ZNF8: variants seen among roughly 807,000 people sequenced by gnomAD.
ZNF8 encodes the protein zinc finger protein 272.
Under a neutral mutation model 12.2 loss-of-function variants are expected in ZNF8, and 9 were observed. That is an observed-to-expected ratio of 0.73 (90% CI 0.44 to 1.28). ZNF8 has a LOEUF of 1.28. Ranked by LOEUF, ZNF8 falls within the 50% of genes most tolerant of loss-of-function variation. ZNF8 has a pLI of 0.00. For synonymous variants in ZNF8, 274 were observed against 282.3 expected (o/e 0.97, Z 0.30); for missense variants, 664 against 729.1 (o/e 0.91, Z 1.03).
chr19:58,283,585 G>A (rs1414118500), intron 1 of ZNF8, among the ~76,000 whole-genome samples: 2 of 148,270 alleles, frequency 1.3e-5, no homozygotes, highest in African/African-American at 5.0e-5. Context: ...CTTCAGAACT[G>A]TAAGAAATAA....
intron 1 of ZNF8, among the ~76,000 whole-genome samples, chr19:58,284,589 C>T (rs1055838731): frequency 6.6e-6 from 1 of 152,242 alleles, no homozygotes; most frequent in Non-Finnish European, 1.5e-5. Flanking sequence ...CGGCTCCCGC[C>T]TGTAATCCCA....
intron 1 of ZNF8, among the ~76,000 whole-genome samples, chr19:58,281,054 G>A (rs1339901867): frequency 6.6e-6 from 1 of 152,090 alleles, no homozygotes; most frequent in African/African-American, 2.4e-5. Context: ...ATATTCACAG[G>A]TTCTAGGAAC....
intron 1 of ZNF8, among the ~76,000 whole-genome samples, chr19:58,282,176 G>A (rs569847585): frequency 6.7e-6 from 1 of 149,594 alleles, no homozygotes; most frequent in Non-Finnish European, 1.5e-5. Context: ...TTTTAACCTA[G>A]CAGCAACACT....
chr19:58,291,330 T>C (rs2051418283), intron 3 of ZNF8, among the ~76,000 whole-genome samples: 1 of 152,186 alleles, frequency 6.6e-6, no homozygotes, highest in South Asian at 2.1e-4. Context: ...AGTGAGTTGT[T>C]CTGGGCAGCC....
At chr19:58,285,601 TA>T in intron 1 of ZNF8, 115 bp from the exon 2 acceptor site, 2 of 1,448,576 alleles carry the variant, frequency 1.4e-6, no homozygotes, top group Non-Finnish European at 1.9e-6. Context: ...CCATCATTCA[TA>T]ACGTGCAGTC....
Position 58,294,502 on chromosome 19 carries a change from AGTGACT to A in ZNF8, c.697_702del (p.Asp233_Cys234del), listed in dbSNP as rs2051440436. The A allele has an allele frequency of 6.2e-7, 1 of 1,614,108 alleles. No individual in the cohort carries two copies. The highest frequency in any genetic ancestry group is 1.3e-5 in the African/African-American group (1 of 74,938). On this transcript the variant is annotated inframe_deletion, in exon 4 of 4. Coordinates refer to ENST00000621650, the MANE Select transcript of ZNF8 (RefSeq NM_021089.3). The surrounding 1 kb of genome is among the most constrained non-coding windows in gnomAD (Gnocchi z 5.5). The stretch of plus-strand genomic sequence containing the variant: ...CCCAGGAAAACAGCCCGGTGAAAAC[AGTGACT>A]GTCACAGAGATTCCAGTCAGGCCAT...
chr19:58,295,548 T>C lies in ZNF8; in HGVS notation c.*12T>C, dbSNP rs768593847. On this transcript the variant is annotated 3_prime_UTR_variant, in exon 4 of 4. Coordinates refer to ENST00000621650, the MANE Select transcript of ZNF8 (RefSeq NM_021089.3). ...GAGAATCCACATAGGAGAGAAACTT[T>C]GCTGATGACTTTTAACCACAAGTAA... The C allele has an allele frequency of 1.3e-6, 2 of 1,573,840 alleles. No homozygotes were observed. Among genetic ancestry groups the C allele is most frequent in the East Asian group, 4.5e-5 (2 of 44,388 alleles).
intron 1 of ZNF8, among the ~76,000 whole-genome samples, chr19:58,284,754 C>G (rs1296684196): frequency 2.6e-5 from 4 of 152,132 alleles, no homozygotes; most frequent in Non-Finnish European, 5.9e-5. Context: ...GAGGCTGGGG[C>G]AGGAGAATCA....
chr19:58,285,157 GT>G (rs67853886), intron 1 of ZNF8, among the ~76,000 whole-genome samples: 12 of 145,190 alleles, frequency 8.3e-5, no homozygotes, highest in Admixed American at 3.4e-4. Context: ...CTGTTTTTTT[GT>G]TTTTTTTTTT....
At chr19:58,282,183 C>T (rs1326607294) in intron 1 of ZNF8, among the ~76,000 whole-genome samples, 2 of 152,094 alleles carry the variant, frequency 1.3e-5, no homozygotes, top group Non-Finnish European at 2.9e-5. Context: ...CTAGCAGCAA[C>T]ACTGGTGGTG....
At chr19:58,290,831 GCTTGAGTC>G (rs1403542038) in intron 3 of ZNF8, among the ~76,000 whole-genome samples, 4 of 152,120 alleles carry the variant, frequency 2.6e-5, no homozygotes, top group Non-Finnish European at 5.9e-5. Flanking sequence ...CGGGTGGTTC[GCTTGAGTC>G]CAAGAGTTCA....
At chr19:58,288,940 C>T (rs1427429379) in intron 3 of ZNF8, among the ~76,000 whole-genome samples, 1 of 152,064 alleles carries the variant, frequency 6.6e-6, no homozygotes, top group East Asian at 1.9e-4. Flanking sequence ...ACTCACAAGT[C>T]TTATGCCATA....
chr19:58,285,951 C>G, intron 2 of ZNF8, 108 bp downstream of exon 2: 1 of 1,442,612 alleles, frequency 6.9e-7, no homozygotes, highest in East Asian at 2.3e-5. Context: ...ATGGGGAGTG[C>G]ATGAAGAGGG....
intron 3 of ZNF8, among the ~76,000 whole-genome samples, chr19:58,290,587 G>A (rs983176165): frequency 1.3e-4 from 20 of 151,954 alleles, no homozygotes; most frequent in South Asian, 4.2e-4. Context: ...GAAGAAGACC[G>A]CGTCTCTACA....
At chr19:58,279,218 C>T in intron 1 of ZNF8, 71 bp downstream of exon 1, 1 of 1,537,852 alleles carries the variant, frequency 6.5e-7, no homozygotes, top group East Asian at 2.4e-5. Flanking sequence ...GACCCTTTCA[C>T]CTCGCGGCGC....
At chr19:58,287,932 T>A (rs1226286614) in intron 3 of ZNF8, among the ~76,000 whole-genome samples, 1 of 134,558 alleles carries the variant, frequency 7.4e-6, no homozygotes, top group Non-Finnish European at 1.5e-5. Flanking sequence ...TCAAACTAAC[T>A]CCTGGGCTCA....
intron 1 of ZNF8, chr19:58,279,645 G>A (rs752365057): frequency 4.4e-5 from 68 of 1,534,094 alleles, no homozygotes; most frequent in East Asian, 4.9e-5. Context: ...CCTCTTGGGG[G>A]CAATGATGGG....
At chr19:58,293,717 C>G (rs2147960635) in intron 3 of ZNF8, among the ~76,000 whole-genome samples, 1 of 152,296 alleles carries the variant, frequency 6.6e-6, no homozygotes, top group East Asian at 1.9e-4. Flanking sequence ...TGCAGGCAGC[C>G]TCTAGGAACG....
intron 1 of ZNF8, among the ~76,000 whole-genome samples, chr19:58,282,719 C>G (rs943886292): frequency 1.3e-5 from 2 of 152,026 alleles, no homozygotes; most frequent in Non-Finnish European, 2.9e-5. Context: ...CCTCTGCCTC[C>G]TGGGTTCAAG....
Sources: gnomAD v4.1 joint callset for allele counts (sites outside exome capture counted in the v4.1 genomes callset) on GRCh38, gnomAD v4.1.1 for gene constraint, Gnocchi (gnomAD v3.1) non-coding constraint, MANE v1.5 for transcripts, NCBI Gene and HGNC (gene_info 2026-07-23, HGNC 2026-07-21) for gene names.